XRCC5: variants seen among roughly 807,000 people sequenced by gnomAD.
XRCC5 encodes the protein X-ray repair cross complementing 5, also known as DNA repair protein Ku80.
XRCC5 carries 12 observed loss-of-function variants against 95.7 expected under a neutral mutation model. The ratio of observed to expected loss-of-function variants is 0.13; its 90% confidence interval spans 0.08 to 0.20. The LOEUF (loss-of-function observed/expected upper bound fraction) is 0.20, where lower values mean the gene tolerates loss of function less well. Ranked by LOEUF, XRCC5 falls within the 10% of genes least tolerant of loss-of-function variation. The probability of loss-of-function intolerance (pLI) is 1.00; values close to 1 mark genes in which losing one functional copy is unlikely to be tolerated. For missense variants in XRCC5, 595 were observed against 873.9 expected (o/e 0.68, Z 4.02); for synonymous variants, 281 against 290.3 (o/e 0.97, Z 0.33).
intron 10 of XRCC5, among the ~76,000 whole-genome samples, chr2:216,136,621 A>G (rs1299441843): frequency 1.3e-5 from 2 of 152,194 alleles, no homozygotes; most frequent in African/African-American, 4.8e-5. Flanking sequence ...GTTGGCAATT[A>G]GAAGGTGATG....
intron 14 of XRCC5, among the ~76,000 whole-genome samples, chr2:216,157,217 CTTTTTTTTTTG>C (rs1231652645): frequency 2.7e-4 from 31 of 115,536 alleles, no homozygotes; most frequent in Middle Eastern, 4.4e-3. Flanking sequence ...CAACTATTTT[CTTTTTTTTTTG>C]TTTTTTTTTT....
At chr2:216,189,622 A>AAT (rs1689576349) in intron 16 of XRCC5, among the ~76,000 whole-genome samples, 1 of 152,208 alleles carries the variant, frequency 6.6e-6, no homozygotes, top group African/African-American at 2.4e-5. Flanking sequence ...AGTAGTGAGC[A>AAT]ATAGGGAGAA....
rs1442559607 is a variant in XRCC5 at position 216,205,654 on chromosome 2, CTTGTG to C, written c.*456_*460del. ...CCTGATCCTCCAACAGCTGTCACAA[CTTGTG>C]TTGAGCAAGCAGTAGCATTTGCTTC... is the stretch of plus-strand genomic sequence containing the variant. On this transcript the variant is annotated 3_prime_UTR_variant, in exon 21 of 21. Coordinates refer to ENST00000392132, the MANE Select transcript of XRCC5 (RefSeq NM_021141.4). 2 of 157,006 alleles carry C rather than the reference CTTGTG, an allele frequency of 1.3e-5. No homozygotes were observed. The highest frequency in any genetic ancestry group is 4.8e-5 in the African/African-American group (2 of 41,514). The allele number at this position is 157,006 out of a possible 1,614,324, so 9.7% of individuals were successfully genotyped here. A position where few individuals can be genotyped will look rare whatever the true frequency, so the allele number is the denominator to read the frequency against.
chr2:216,131,031 T>C (rs1247208829), intron 9 of XRCC5, 44 bp downstream of exon 9: 1 of 1,528,544 alleles, frequency 6.5e-7, no homozygotes, highest in South Asian at 1.2e-5. Flanking sequence ...CTAGCTGTTA[T>C]TTGAAATGGT....
rs1290716281 is a variant in XRCC5 at position 216,150,049 on chromosome 2, T to C, written c.1670+1773T>C. On this transcript the variant is annotated intron_variant, in intron 14 of 20. Transcript: ENST00000392132. The stretch of plus-strand genomic sequence containing the variant: ...GAATGGTTCAGTCCTTTCTACAAGG[T>C]TCTAAAACCCCTCAATTTTGATGAT... Among the ~76,000 whole-genome samples the C allele has an allele frequency of 2.6e-5, 4 of 152,216 alleles. No homozygotes were observed. In the East Asian group the frequency reaches 7.7e-4, roughly 29 times the overall value.
intron 5 of XRCC5, among the ~76,000 whole-genome samples, chr2:216,121,641 T>C (rs1196321647): frequency 6.6e-6 from 1 of 152,200 alleles, no homozygotes; most frequent in African/African-American, 2.4e-5. Flanking sequence ...GTCTTAATAG[T>C]ATCATATTGG....
At chr2:216,147,986 C>A in intron 13 of XRCC5, 97 bp from the exon 14 acceptor site, 1 of 1,283,490 alleles carries the variant, frequency 7.8e-7, no homozygotes, top group Non-Finnish European at 1.1e-6. Context: ...AATCACTTAG[C>A]CCTCCCACAC....
At chr2:216,144,388 T>G (rs1161907563) in intron 13 of XRCC5, among the ~76,000 whole-genome samples, 1 of 152,168 alleles carries the variant, frequency 6.6e-6, no homozygotes, top group African/African-American at 2.4e-5. Flanking sequence ...ACTCAGTCAT[T>G]TGGATTTTAC....
At chr2:216,136,625 G>C (rs1445189081) in intron 10 of XRCC5, among the ~76,000 whole-genome samples, 2 of 152,172 alleles carry the variant, frequency 1.3e-5, no homozygotes, top group Admixed American at 1.3e-4. Flanking sequence ...GCAATTAGAA[G>C]GTGATGGGTG....
intron 4 of XRCC5, 49 bp downstream of exon 4, chr2:216,117,843 T>A: frequency 6.4e-7 from 1 of 1,566,552 alleles, no homozygotes. Context: ...TTGCAAAAAT[T>A]GTATGGGTTA....
At chr2:216,173,726 G>A (rs1689215628) in intron 16 of XRCC5, among the ~76,000 whole-genome samples, 1 of 152,144 alleles carries the variant, frequency 6.6e-6, no homozygotes, top group Non-Finnish European at 1.5e-5. Flanking sequence ...CTCATGAAAG[G>A]ATTCAGGCCA....
At chr2:216,125,346 C>T (rs1362731964) in intron 6 of XRCC5, among the ~76,000 whole-genome samples, 1 of 151,972 alleles carries the variant, frequency 6.6e-6, no homozygotes, top group Non-Finnish European at 1.5e-5. Flanking sequence ...TACAGCCATG[C>T]GCCACCACAC....
chr2:216,127,223 G>C (rs1696913561), intron 7 of XRCC5, among the ~76,000 whole-genome samples: 1 of 152,252 alleles, frequency 6.6e-6, no homozygotes, highest in East Asian at 1.9e-4. Flanking sequence ...CTGAGCGATA[G>C]AGCAAGACTC....
chr2:216,154,184 T>A (rs1307378369), intron 14 of XRCC5, among the ~76,000 whole-genome samples: 1 of 152,230 alleles, frequency 6.6e-6, no homozygotes, highest in Non-Finnish European at 1.5e-5. Context: ...ATTGGCAAGT[T>A]GCTCAGTGTC....
chr2:216,197,735 A>G (rs529634330), intron 19 of XRCC5, among the ~76,000 whole-genome samples: 1 of 152,298 alleles, frequency 6.6e-6, no homozygotes, highest in South Asian at 2.1e-4. Flanking sequence ...AGGCACTTTG[A>G]TATATATTAT....
chr2:216,181,011 C>T (rs1689375112), intron 16 of XRCC5, among the ~76,000 whole-genome samples: 1 of 151,950 alleles, frequency 6.6e-6, no homozygotes, highest in Non-Finnish European at 1.5e-5. Flanking sequence ...CGGGGTTTCT[C>T]TGTATTGGTC....
intron 16 of XRCC5, among the ~76,000 whole-genome samples, chr2:216,162,815 C>T (rs1688977402): frequency 6.6e-6 from 1 of 152,198 alleles, no homozygotes; most frequent in East Asian, 1.9e-4. Context: ...AAAATGGCTG[C>T]ATGGTCACTT....
intron 16 of XRCC5, among the ~76,000 whole-genome samples, chr2:216,173,035 A>T (rs939398405): frequency 1.3e-5 from 2 of 151,646 alleles, no homozygotes; most frequent in Non-Finnish European, 2.9e-5. Context: ...TTATTTTTGG[A>T]TTATTTGTTG....
At chr2:216,159,160 A>T (rs1207495931) in intron 14 of XRCC5, among the ~76,000 whole-genome samples, 1 of 152,220 alleles carries the variant, frequency 6.6e-6, no homozygotes, top group African/African-American at 2.4e-5. Flanking sequence ...TAAAATTTCT[A>T]GATCTTGGTT....
Sources: gnomAD v4.1 joint callset for allele counts (sites outside exome capture counted in the v4.1 genomes callset) on GRCh38, gnomAD v4.1.1 for gene constraint, MANE v1.5 for transcripts, NCBI Gene and HGNC (gene_info 2026-07-23, HGNC 2026-07-21) for gene names.